Variants in GRIP1 observed in about 807,000 individuals in gnomAD.
GRIP1 encodes glutamate receptor-interacting protein 1.
Under a neutral mutation model 129.9 loss-of-function variants are expected in GRIP1, and 45 were observed. The observed-to-expected ratio is 0.35, with a 90% CI of 0.27 to 0.44. The LOEUF (loss-of-function observed/expected upper bound fraction) is 0.44, where lower values mean the gene tolerates loss of function less well. GRIP1 is among the 20% of genes least tolerant of loss of function. GRIP1 has a pLI of 1.00. For synonymous variants in GRIP1, 530 were observed against 520.8 expected (o/e 1.02, Z -0.24); for missense variants, 1,196 against 1,396.8 (o/e 0.86, Z 2.29).
intron 1 of GRIP1, among the ~76,000 whole-genome samples, chr12:67,065,562 A>G (rs1436941538): frequency 6.6e-6 from 1 of 152,238 alleles, no homozygotes; most frequent in Non-Finnish European, 1.5e-5. Flanking sequence ...AAAGGAAATG[A>G]GAAAATACAA....
intron 1 of GRIP1, among the ~76,000 whole-genome samples, chr12:66,692,642 T>G (rs2089984331): frequency 6.6e-6 from 1 of 152,116 alleles, no homozygotes; most frequent in Non-Finnish European, 1.5e-5. Context: ...CTGCATTTGG[T>G]CAGAAGTGCC....
At chr12:66,728,263 T>A (rs994410453) in intron 1 of GRIP1, among the ~76,000 whole-genome samples, 1 of 152,246 alleles carries the variant, frequency 6.6e-6, no homozygotes, top group African/African-American at 2.4e-5. Flanking sequence ...AATGGTGGCT[T>A]AAACACAGTA....
chr12:66,588,103 A>G (rs936261035), intron 2 of GRIP1, among the ~76,000 whole-genome samples: 3 of 151,918 alleles, frequency 2.0e-5, no homozygotes, highest in African/African-American at 4.8e-5. Context: ...GTTATTTTAC[A>G]GCTTTGCATT....
intron 1 of GRIP1, among the ~76,000 whole-genome samples, chr12:66,793,625 G>A (rs780620365): frequency 6.6e-6 from 1 of 152,082 alleles, no homozygotes; most frequent in South Asian, 2.1e-4. Context: ...TTTTGGAGCC[G>A]TGGAATTATA....
At chr12:66,924,350 T>C (rs1395066179) in intron 1 of GRIP1, among the ~76,000 whole-genome samples, 7 of 152,148 alleles carry the variant, frequency 4.6e-5, no homozygotes, top group Non-Finnish European at 5.9e-5. Context: ...TTAAACAAAT[T>C]TCATTTAAAA....
At chr12:66,764,983 G>C (rs569779781) in intron 1 of GRIP1, among the ~76,000 whole-genome samples, 7 of 152,288 alleles carry the variant, frequency 4.6e-5, no homozygotes, top group African/African-American at 1.4e-4. Flanking sequence ...ACTTTATGAA[G>C]TAGGCTCTAT....
chr12:67,009,113 C>G (rs1341394099), intron 1 of GRIP1, among the ~76,000 whole-genome samples: 1 of 152,102 alleles, frequency 6.6e-6, no homozygotes, highest in African/African-American at 2.4e-5. Context: ...AGGATCAAGA[C>G]CAGCTGGCTA....
chr12:66,903,434 G>A (rs191563693), intron 1 of GRIP1, among the ~76,000 whole-genome samples: 1 of 151,910 alleles, frequency 6.6e-6, no homozygotes, highest in East Asian at 1.9e-4. Context: ...AACCAACACA[G>A]TAGAATAAAT....
chr12:67,042,736 T>G (rs1356888807), intron 1 of GRIP1, among the ~76,000 whole-genome samples: 1 of 152,136 alleles, frequency 6.6e-6, no homozygotes, highest in Non-Finnish European at 1.5e-5. Flanking sequence ...CAGTACCAGA[T>G]TAGAAGCAGA....
intron 1 of GRIP1, among the ~76,000 whole-genome samples, chr12:66,946,888 A>T (rs2041679626): frequency 6.6e-6 from 1 of 151,586 alleles, no homozygotes; most frequent in South Asian, 2.1e-4. Flanking sequence ...CTAAAAGTAA[A>T]AAAAAATTAG....
intron 2 of GRIP1, among the ~76,000 whole-genome samples, chr12:66,555,667 G>A (rs1445107587): frequency 3.9e-5 from 6 of 152,054 alleles, no homozygotes; most frequent in Non-Finnish European, 7.4e-5. Flanking sequence ...TGAAATTTAA[G>A]ATAATACAGT....
intron 1 of GRIP1, among the ~76,000 whole-genome samples, chr12:66,718,241 G>A (rs540588947): frequency 6.6e-6 from 1 of 152,202 alleles, no homozygotes; most frequent in African/African-American, 2.4e-5. Context: ...GGATACATAA[G>A]TTGAGGGAGC....
chr12:66,569,418 C>T (rs968554311), intron 2 of GRIP1, among the ~76,000 whole-genome samples: 9 of 151,920 alleles, frequency 5.9e-5, no homozygotes, highest in East Asian at 5.8e-4. Context: ...CAGAGGTTGC[C>T]GTGAGCCAAG....
intron 2 of GRIP1, among the ~76,000 whole-genome samples, chr12:66,569,458 C>T (rs748967875): frequency 6.6e-6 from 1 of 151,848 alleles, no homozygotes; most frequent in Non-Finnish European, 1.5e-5. Flanking sequence ...GCCTGGGTGA[C>T]AGAGTGAGAC....
intron 7 of GRIP1, among the ~76,000 whole-genome samples, chr12:66,477,910 A>G (rs1342206868): frequency 6.6e-6 from 1 of 152,206 alleles, no homozygotes; most frequent in African/African-American, 2.4e-5. Flanking sequence ...TGTTAGACCT[A>G]AAACCATAAA....
intron 1 of GRIP1, among the ~76,000 whole-genome samples, chr12:66,788,222 A>G (rs1209529050): frequency 4.6e-5 from 7 of 152,086 alleles, no homozygotes; most frequent in Non-Finnish European, 1.0e-4. Context: ...AAATACAAAA[A>G]ACACAAAAAT....
At chr12:66,461,290 G>A (rs765762165) in intron 9 of GRIP1, among the ~76,000 whole-genome samples, 13 of 152,184 alleles carry the variant, frequency 8.5e-5, no homozygotes, top group Admixed American at 2.6e-4. Context: ...ATGCATTTCC[G>A]ATTCGCTGAT....
intron 1 of GRIP1, among the ~76,000 whole-genome samples, chr12:66,950,589 T>G (rs1177725880): frequency 6.6e-6 from 1 of 152,048 alleles, no homozygotes; most frequent in Non-Finnish European, 1.5e-5. Flanking sequence ...ATAGAAAAGA[T>G]CAGAAGATGA....
Position 66,678,876 on chromosome 12 carries a change from C to T in GRIP1, c.29G>A (p.Cys10Tyr). MIAVSFKCR[C>Y]QILRRLTKDE... ...TTTAGTAAGTCGCCTCAGAATTTGA[C>T]AACGGCATTTAAAAGAGACAGCTAT... Residue 10 changes from cysteine (C) to tyrosine (Y), a missense_variant, in exon 1 of 25, where the codon TGT (cysteine) becomes TAT (tyrosine). Cys to Tyr is a radical substitution (Grantham distance 194). Coordinates refer to ENST00000359742, the MANE Select transcript of GRIP1 (RefSeq NM_001366722.1). 3.1e-6 allele frequency: 5 copies of T among 1,613,496 alleles called. No homozygotes were observed. The highest frequency in any genetic ancestry group is 1.1e-5 in the South Asian group (1 of 91,080).
Sources: allele counts gnomAD v4.1 joint callset (sites outside exome capture counted in the v4.1 genomes callset), GRCh38; gene constraint gnomAD v4.1.1; transcripts MANE v1.5; gene names NCBI Gene and HGNC (gene_info 2026-07-23, HGNC 2026-07-21).